CSRNP3: variants seen among roughly 807,000 people sequenced by gnomAD.
The protein encoded by CSRNP3 is cysteine/serine-rich nuclear protein 3.
In CSRNP3, 12 loss-of-function variants were observed where a neutral mutation model predicts 48.0. The ratio of observed to expected loss-of-function variants is 0.25; its 90% CI spans 0.16 to 0.41. The LOEUF (loss-of-function observed/expected upper bound fraction) is 0.41, where lower values mean the gene tolerates loss of function less well. CSRNP3 is among the 10% of genes least tolerant of loss of function. The probability of loss-of-function intolerance (pLI) is 1.00; values close to 1 mark genes in which losing one functional copy is unlikely to be tolerated. For synonymous variants in CSRNP3, 263 were observed against 269.7 expected, an observed-to-expected ratio of 0.98 and a Z score of 0.24; for missense variants, 580 against 724.4, an observed-to-expected ratio of 0.80 and a Z score of 2.29.
chr2:165,500,112 A>G (rs770299503), intron 2 of CSRNP3, among the ~76,000 whole-genome samples: 94 of 151,210 alleles, frequency 6.2e-4, no homozygotes, highest in Non-Finnish European at 7.1e-4. Flanking sequence ...CAAAAGCAAC[A>G]TGCAAGCTGG....
At chr2:165,597,369 A>G (rs191843714) in intron 4 of CSRNP3, among the ~76,000 whole-genome samples, 1 of 152,322 alleles carries the variant, frequency 6.6e-6, no homozygotes. Flanking sequence ...AGAAAACATT[A>G]TAAGATAATG....
chr2:165,586,420 C>T (rs889550420), intron 3 of CSRNP3, among the ~76,000 whole-genome samples: 10 of 151,986 alleles, frequency 6.6e-5, no homozygotes, highest in African/African-American at 2.2e-4. Flanking sequence ...GTCAGATTAA[C>T]AAAAAACAAC....
intron 4 of CSRNP3, among the ~76,000 whole-genome samples, chr2:165,642,010 C>T (rs922651539): frequency 6.6e-6 from 1 of 151,776 alleles, no homozygotes; most frequent in African/African-American, 2.4e-5. Context: ...TAACAAATAG[C>T]CCATGTCATG....
chr2:165,529,310 C>G (rs897892921), intron 3 of CSRNP3, among the ~76,000 whole-genome samples: 1 of 152,060 alleles, frequency 6.6e-6, no homozygotes, highest in South Asian at 2.1e-4. Flanking sequence ...CCAAAGGGAC[C>G]CTGTGGGAGT....
chr2:165,494,405 C>T (rs1684258893), intron 1 of CSRNP3, among the ~76,000 whole-genome samples: 1 of 152,072 alleles, frequency 6.6e-6, no homozygotes, highest in African/African-American at 2.4e-5. Context: ...TTGTTCTGAA[C>T]TCTGGCTCTG....
At chr2:165,496,776 C>T (rs994645662) in intron 2 of CSRNP3, among the ~76,000 whole-genome samples, 2 of 151,894 alleles carry the variant, frequency 1.3e-5, no homozygotes, top group African/African-American at 2.4e-5. Flanking sequence ...TTCCACACCC[C>T]CGTGATTTTG....
intron 4 of CSRNP3, among the ~76,000 whole-genome samples, chr2:165,634,462 G>A (rs1686594960): frequency 6.6e-6 from 1 of 152,218 alleles, no homozygotes; most frequent in Non-Finnish European, 1.5e-5. Flanking sequence ...TTGTAAATAA[G>A]ACCGGCGAAG....
At chr2:165,678,523 T>C (rs1687467048) in intron 6 of CSRNP3, among the ~76,000 whole-genome samples, 178 bp from the exon 7 acceptor site, 1 of 152,230 alleles carries the variant, frequency 6.6e-6, no homozygotes, top group Non-Finnish European at 1.5e-5. Flanking sequence ...TTAACTCTTA[T>C]GTTTTAAGCC....
chr2:165,666,689 T>A (rs575491122), intron 5 of CSRNP3, among the ~76,000 whole-genome samples: 9 of 196 alleles, frequency 0.046, no homozygotes, highest in African/African-American at 0.14. Context: ...GAGAGAGTGG[T>A]GTTAAGAGAG....
chr2:165,501,175 C>T (rs1684355394), intron 2 of CSRNP3, among the ~76,000 whole-genome samples: 1 of 152,102 alleles, frequency 6.6e-6, no homozygotes, highest in African/African-American at 2.4e-5. Context: ...ATGCTAAGAT[C>T]ATGGTTACAT....
intron 3 of CSRNP3, among the ~76,000 whole-genome samples, chr2:165,564,119 A>G (rs999008890): frequency 6.6e-6 from 1 of 152,122 alleles, no homozygotes; most frequent in African/African-American, 2.4e-5. Flanking sequence ...GAAGAGCAGC[A>G]TAGTGTGTGA....
chr2:165,534,540 A>G (rs1442763147), intron 3 of CSRNP3, among the ~76,000 whole-genome samples: 1 of 151,974 alleles, frequency 6.6e-6, no homozygotes, highest in Non-Finnish European at 1.5e-5. Context: ...ATACAGGTGC[A>G]TAGAGAATGT....
intron 3 of CSRNP3, among the ~76,000 whole-genome samples, chr2:165,556,399 C>T (rs1685160803): frequency 2.0e-5 from 3 of 152,132 alleles, no homozygotes. Flanking sequence ...AGTTTAGAGA[C>T]GTAGATACGG....
rs545783322 is a variant in CSRNP3 at position 165,653,781 on chromosome 2, G to A, written c.149-3980G>A. On this transcript the variant is annotated intron_variant, in intron 4 of 6. Transcript: ENST00000651982. ...GAGGTCAGGAGTTCGAGAACAGCCT[G>A]GCCAACATGATGAAACCCTGTCTTT... Among the ~76,000 whole-genome samples the A allele has an allele frequency of 1.3e-4, 20 of 151,938 alleles. No individual in the cohort carries two copies. In the East Asian group the frequency reaches 3.9e-3, roughly 29 times the overall value.
chr2:165,490,956 A>G (rs903301358), intron 1 of CSRNP3, among the ~76,000 whole-genome samples: 1 of 140,112 alleles, frequency 7.1e-6, no homozygotes, highest in Non-Finnish European at 1.6e-5. Context: ...AATGGGATCT[A>G]TTTAAACTAA....
intron 1 of CSRNP3, among the ~76,000 whole-genome samples, chr2:165,493,890 C>G (rs1022880736): frequency 6.6e-6 from 1 of 152,080 alleles, no homozygotes; most frequent in Non-Finnish European, 1.5e-5. Context: ...ACTTACTTAT[C>G]GAGGTTACCT....
intron 3 of CSRNP3, among the ~76,000 whole-genome samples, chr2:165,576,142 T>TAC (rs918457699): frequency 2.0e-5 from 3 of 150,758 alleles, no homozygotes; most frequent in Non-Finnish European, 4.4e-5. Context: ...AATATATATA[T>TAC]ACACACACAT....
At chr2:165,598,660 T>A (rs1685850501) in intron 4 of CSRNP3, among the ~76,000 whole-genome samples, 1 of 152,192 alleles carries the variant, frequency 6.6e-6, no homozygotes, top group South Asian at 2.1e-4. Flanking sequence ...AGACTTATTT[T>A]ACGATGTCTA....
intron 4 of CSRNP3, among the ~76,000 whole-genome samples, chr2:165,651,465 A>G (rs1469515105): frequency 6.6e-6 from 1 of 152,172 alleles, no homozygotes; most frequent in Admixed American, 6.5e-5. Flanking sequence ...TCACCAGAGT[A>G]CTTGCTTCCC....
Sources: allele counts gnomAD v4.1 joint callset (sites outside exome capture counted in the v4.1 genomes callset), GRCh38; gene constraint gnomAD v4.1.1; transcripts MANE v1.5; gene names NCBI Gene and HGNC (gene_info 2026-07-23, HGNC 2026-07-21).